CTNNBL1: variants seen among roughly 807,000 people sequenced by gnomAD.
CTNNBL1 encodes the protein beta-catenin-like protein 1.
CTNNBL1 carries 31 observed loss-of-function variants against 72.7 expected under a neutral mutation model. That is an observed-to-expected ratio of 0.43 (90% CI 0.32 to 0.58). The LOEUF is 0.58. Among genes scored for constraint, CTNNBL1 ranks in the 20% least tolerant of loss-of-function variants. CTNNBL1 has a pLI of 0.08. For missense variants in CTNNBL1, 534 were observed against 725.1 expected (o/e 0.74, Z 3.03); for synonymous variants, 240 against 267.3 (o/e 0.90, Z 1.00).
chr20:37,729,302 G>A (rs1183908922), intron 1 of CTNNBL1, among the ~76,000 whole-genome samples: 3 of 152,158 alleles, frequency 2.0e-5, no homozygotes, highest in Non-Finnish European at 4.4e-5. Context: ...CCCTGTTTAT[G>A]AAATAGAGCT....
chr20:37,867,178 C>T (rs1007930239), intron 15 of CTNNBL1, among the ~76,000 whole-genome samples: 2 of 152,154 alleles, frequency 1.3e-5, no homozygotes, highest in Admixed American at 1.3e-4. Context: ...CTCTGTTAGA[C>T]CTGAAGGATT....
chr20:37,868,714 C>T (rs561665621), intron 15 of CTNNBL1, among the ~76,000 whole-genome samples: 2 of 152,136 alleles, frequency 1.3e-5, no homozygotes, highest in East Asian at 1.9e-4. Context: ...ACAGGTGATT[C>T]GGCAAAGGGA....
intron 10 of CTNNBL1, among the ~76,000 whole-genome samples, chr20:37,801,169 T>G (rs1276710827): frequency 6.6e-6 from 1 of 152,224 alleles, no homozygotes; most frequent in Non-Finnish European, 1.5e-5. Context: ...AGTAAATATT[T>G]GTAGATTGAA....
chr20:37,844,625 T>C (rs753923749), intron 13 of CTNNBL1, among the ~76,000 whole-genome samples: 1 of 152,132 alleles, frequency 6.6e-6, no homozygotes, highest in Non-Finnish European at 1.5e-5. Flanking sequence ...ACACCTCCCT[T>C]TTGGGCCAGA....
chr20:37,858,482 A>G (rs1425062190), intron 13 of CTNNBL1, among the ~76,000 whole-genome samples: 1 of 152,220 alleles, frequency 6.6e-6, no homozygotes, highest in Non-Finnish European at 1.5e-5. Context: ...GACATAGCTG[A>G]AAAATGATGT....
chr20:37,794,902 G>C (rs1166966366), intron 10 of CTNNBL1, among the ~76,000 whole-genome samples: 1 of 151,884 alleles, frequency 6.6e-6, no homozygotes, highest in Non-Finnish European at 1.5e-5. Flanking sequence ...ACTCTTAGTT[G>C]CTCCACTGGC....
chr20:37,711,658 G>A (rs2072939240), intron 1 of CTNNBL1, among the ~76,000 whole-genome samples: 1 of 151,386 alleles, frequency 6.6e-6, no homozygotes, highest in South Asian at 2.1e-4. Flanking sequence ...TGTTGGGGGA[G>A]CAGTGGCTGT....
intron 1 of CTNNBL1, among the ~76,000 whole-genome samples, chr20:37,705,020 T>C (rs2072873792): frequency 6.6e-6 from 1 of 152,370 alleles, no homozygotes; most frequent in South Asian, 2.1e-4. Flanking sequence ...AGTTTTCGTA[T>C]ATAAAAATGA....
At chr20:37,723,705 C>T (rs1235006138) in intron 1 of CTNNBL1, among the ~76,000 whole-genome samples, 1 of 152,158 alleles carries the variant, frequency 6.6e-6, no homozygotes, top group Non-Finnish European at 1.5e-5. Context: ...TTACCTAGGG[C>T]ACCTTTGTAA....
intron 1 of CTNNBL1, among the ~76,000 whole-genome samples, chr20:37,720,497 T>C (rs1600443306): frequency 6.6e-6 from 1 of 152,268 alleles, no homozygotes; most frequent in Non-Finnish European, 1.5e-5. Flanking sequence ...ATGAATTAAA[T>C]AAATTATTTT....
intron 1 of CTNNBL1, among the ~76,000 whole-genome samples, chr20:37,714,776 A>G (rs2072971675): frequency 6.6e-6 from 1 of 152,134 alleles, no homozygotes. Context: ...ATCCATTTCC[A>G]TTTGATATTT....
chr20:37,717,534 G>A (rs914780266), intron 1 of CTNNBL1, among the ~76,000 whole-genome samples: 1 of 151,992 alleles, frequency 6.6e-6, no homozygotes, highest in Admixed American at 6.5e-5. Flanking sequence ...GTTCAGAGTG[G>A]ACTGGTGTCA....
chr20:37,871,214 GTGCTGCTGC>G (rs536109643), intron 15 of CTNNBL1, among the ~76,000 whole-genome samples: 3 of 152,120 alleles, frequency 2.0e-5, no homozygotes, highest in Non-Finnish European at 2.9e-5. Context: ...TTTCCATGCA[GTGCTGCTGC>G]TGCTGCTGCT....
At chr20:37,732,825 G>A (rs2073140661) in intron 1 of CTNNBL1, 54 bp from the exon 2 acceptor site, 4 of 1,543,092 alleles carry the variant, frequency 2.6e-6, no homozygotes, top group African/African-American at 1.4e-5. Context: ...GAGCCACCAC[G>A]CCTGGCTTCT....
In CTNNBL1 at chr20:37,765,242, C is replaced by T; in HGVS notation, c.610C>T (p.Leu204=). 1.3e-6 allele frequency: 2 copies of T among 1,551,548 alleles called. No homozygotes were observed. Among genetic ancestry groups the T allele is most frequent in the Non-Finnish European group, 1.7e-6 (2 of 1,146,894 alleles). ...ACTGCTGGTACAGAATCTGGAGCGC[C>T]TGGATGAGTCTGTGAAAGAGGAGGC... ...VALLVQNLER[L]DESVKEEADG... is the part of the protein sequence containing the mutation. Residue 204 remains leucine, a synonymous_variant, in exon 6 of 16, where the codon CTG becomes TTG. Coordinates refer to ENST00000361383, the MANE Select transcript of CTNNBL1 (RefSeq NM_030877.5).
At chr20:37,842,812 C>T (rs56998341) in intron 13 of CTNNBL1, among the ~76,000 whole-genome samples, 2,106 of 152,276 alleles carry the variant, frequency 0.014, 55 homozygotes, top group African/African-American at 0.049. Flanking sequence ...GTGATCACAG[C>T]GTAGAGGAGC....
At chr20:37,787,517 TG>T (rs1173652576) in intron 10 of CTNNBL1, among the ~76,000 whole-genome samples, 6 of 152,040 alleles carry the variant, frequency 3.9e-5, no homozygotes, top group African/African-American at 1.2e-4. Flanking sequence ...GCTAATTTTT[TG>T]TATTTTTAGT....
At chr20:37,821,323 A>G (rs1259859065) in intron 11 of CTNNBL1, among the ~76,000 whole-genome samples, 2 of 152,224 alleles carry the variant, frequency 1.3e-5, no homozygotes, top group Non-Finnish European at 2.9e-5. Flanking sequence ...GGCAAGAACT[A>G]TGCCTTACGC....
intron 12 of CTNNBL1, among the ~76,000 whole-genome samples, chr20:37,841,275 T>C (rs968995708): frequency 6.6e-6 from 1 of 152,224 alleles, no homozygotes; most frequent in African/African-American, 2.4e-5. Flanking sequence ...GAGTATAGCA[T>C]GATGAAGAGG....
Sources: allele counts gnomAD v4.1 joint callset (sites outside exome capture counted in the v4.1 genomes callset), GRCh38; gene constraint gnomAD v4.1.1; transcripts MANE v1.5; gene names NCBI Gene and HGNC (gene_info 2026-07-23, HGNC 2026-07-21).